C1orf21: variants seen among roughly 807,000 people sequenced by gnomAD.
C1orf21 encodes the protein chromosome 1 open reading frame 21.
In C1orf21, 3 loss-of-function variants were observed where a neutral mutation model predicts 18.7. The observed-to-expected ratio is 0.16, with a 90% CI of 0.07 to 0.42. The LOEUF (loss-of-function observed/expected upper bound fraction) is 0.42, where lower values mean the gene tolerates loss of function less well. Among genes scored for constraint, C1orf21 ranks in the 10% least tolerant of loss-of-function variants. C1orf21 has a pLI of 0.99. For synonymous variants in C1orf21, 41 were observed against 46.4 expected (o/e 0.88, Z 0.47); for missense variants, 104 against 143.6 (o/e 0.72, Z 1.41).
intron 2 of C1orf21, among the ~76,000 whole-genome samples, chr1:184,502,983 T>C (rs1657999742): frequency 7.0e-6 from 1 of 142,508 alleles, no homozygotes; most frequent in Admixed American, 7.5e-5. Flanking sequence ...GATGCTGAGG[T>C]GGGAGGATCA....
In C1orf21 at chr1:184,624,277, A is replaced by C. The variant is rs745671367; in HGVS notation, c.*4721A>C. ...GGGAGTGTTTTATTTGGCCTCCCCT[A>C]TCTGAGCTGCACACACACCAGGGGA... is the stretch of plus-strand genomic sequence containing the variant. On this transcript the variant is annotated 3_prime_UTR_variant, in exon 6 of 6. Coordinates refer to ENST00000235307, the MANE Select transcript of C1orf21 (RefSeq NM_030806.4). 2.0e-5 allele frequency: 3 copies of C among 152,544 alleles called. No homozygotes were observed. The highest frequency in any genetic ancestry group is 2.0e-4 in the Admixed American group (3 of 15,272). The allele number at this position is 152,544 out of a possible 1,614,324, so 9.4% of individuals were successfully genotyped here.
chr1:184,472,490 A>G (rs753705616), intron 1 of C1orf21, among the ~76,000 whole-genome samples: 2 of 152,316 alleles, frequency 1.3e-5, no homozygotes, highest in African/African-American at 2.4e-5. Flanking sequence ...TTTGTATCCA[A>G]AATGAAAAAG....
intron 1 of C1orf21, among the ~76,000 whole-genome samples, chr1:184,392,458 C>T (rs898693251): frequency 3.3e-5 from 5 of 152,036 alleles, no homozygotes; most frequent in Admixed American, 2.6e-4. Flanking sequence ...GATGGGAGGG[C>T]GGCGAGGGTT....
intron 3 of C1orf21, among the ~76,000 whole-genome samples, chr1:184,570,061 A>G (rs560346922): frequency 2.0e-5 from 3 of 152,356 alleles, no homozygotes; most frequent in South Asian, 4.1e-4. Context: ...GTTATGTAAT[A>G]TCATTCTGCC....
intron 3 of C1orf21, among the ~76,000 whole-genome samples, chr1:184,574,884 G>T (rs1659165178): frequency 6.6e-6 from 1 of 152,224 alleles, no homozygotes; most frequent in Admixed American, 6.5e-5. Context: ...GCCCAGTCCT[G>T]TCACTATCCC....
Position 184,484,090 on chromosome 1 carries a change from A to C in C1orf21, c.94+6487A>C, listed in dbSNP as rs181828723. On this transcript the variant is annotated intron_variant, in intron 2 of 5. Coordinates refer to ENST00000235307, the MANE Select transcript of C1orf21 (RefSeq NM_030806.4). ...AGGCACCCACCACCGCGCCCGGCTA[A>C]TTTTTGTATTTTTTTTTTAGTAGAG... Among the ~76,000 whole-genome samples, 569 of 151,976 alleles carry C rather than the reference A, an allele frequency of 3.7e-3. 3 individuals are homozygous for C. The highest frequency in any genetic ancestry group is 0.013 in the African/African-American group (549 of 41,466).
At chr1:184,506,868 C>T (rs1234754002) in intron 2 of C1orf21, among the ~76,000 whole-genome samples, 1 of 152,086 alleles carries the variant, frequency 6.6e-6, no homozygotes, top group Non-Finnish European at 1.5e-5. Context: ...ATCCACATCC[C>T]ACTATACTCT....
In C1orf21 at chr1:184,590,035, A is replaced by G. The variant is rs116634700; in HGVS notation, c.190-704A>G. Among the ~76,000 whole-genome samples, 926 of 152,306 alleles carry G rather than the reference A, an allele frequency of 6.1e-3. 9 individuals carry two copies. The highest frequency in any genetic ancestry group is 0.021 in the African/African-American group (876 of 41,560). ...CAGGGGTATGTTTTGTGAGCAAATT[A>G]TAAAGCACCTTGAATATCTTTTTAA... On this transcript the variant is annotated intron_variant, in intron 3 of 5. Coordinates refer to ENST00000235307, the MANE Select transcript of C1orf21 (RefSeq NM_030806.4).
chr1:184,537,728 G>A (rs542395913), intron 3 of C1orf21, among the ~76,000 whole-genome samples: 49 of 152,060 alleles, frequency 3.2e-4, no homozygotes, highest in African/African-American at 9.9e-4. Context: ...TTGGCTCACC[G>A]CAACCTCCGC....
intron 2 of C1orf21, among the ~76,000 whole-genome samples, chr1:184,482,957 T>C (rs1221841789): frequency 2.0e-5 from 3 of 152,222 alleles, no homozygotes; most frequent in African/African-American, 7.2e-5. Flanking sequence ...AATTAAATGC[T>C]AAATGGGCAT....
intron 5 of C1orf21, among the ~76,000 whole-genome samples, chr1:184,609,715 A>C (rs1316721893): frequency 6.6e-6 from 1 of 152,216 alleles, no homozygotes; most frequent in Non-Finnish European, 1.5e-5. Context: ...AAAAATTATG[A>C]TATGTCTGAT....
chr1:184,618,174 T>C (rs1659860441), intron 5 of C1orf21, among the ~76,000 whole-genome samples: 1 of 152,100 alleles, frequency 6.6e-6, no homozygotes, highest in African/African-American at 2.4e-5. Context: ...CCTCCCAAAG[T>C]GCGGGATTAC....
At chr1:184,606,886 C>A (rs1324958315) in intron 5 of C1orf21, among the ~76,000 whole-genome samples, 3 of 152,174 alleles carry the variant, frequency 2.0e-5, no homozygotes, top group African/African-American at 7.2e-5. Flanking sequence ...CTTTTCATCT[C>A]CCACTAAACA....
At chr1:184,554,900 C>G (rs1421416862) in intron 3 of C1orf21, among the ~76,000 whole-genome samples, 1 of 152,190 alleles carries the variant, frequency 6.6e-6, no homozygotes, top group Non-Finnish European at 1.5e-5. Context: ...AAAGTGCATG[C>G]ACATGTGTGT....
intron 1 of C1orf21, among the ~76,000 whole-genome samples, chr1:184,441,591 C>T (rs1656947803): frequency 6.6e-6 from 1 of 152,206 alleles, no homozygotes; most frequent in Non-Finnish European, 1.5e-5. Context: ...ACATACATGA[C>T]TTCATTTAAG....
intron 3 of C1orf21, among the ~76,000 whole-genome samples, chr1:184,550,378 T>C (rs554183525): frequency 1.1e-4 from 16 of 152,350 alleles, no homozygotes; most frequent in Admixed American, 1.0e-3. Flanking sequence ...ATTATAATAC[T>C]ATTTAGAACA....
At chr1:184,413,546 T>C (rs910596930) in intron 1 of C1orf21, among the ~76,000 whole-genome samples, 3 of 152,226 alleles carry the variant, frequency 2.0e-5, no homozygotes, top group African/African-American at 7.2e-5. Context: ...AGGTTGGCAG[T>C]AAGTCTCTGA....
At chr1:184,534,148 A>C (rs1419371676) in intron 3 of C1orf21, among the ~76,000 whole-genome samples, 1 of 152,090 alleles carries the variant, frequency 6.6e-6, no homozygotes, top group Admixed American at 6.5e-5. Flanking sequence ...GTGTCATTGC[A>C]TAGTTTATAG....
chr1:184,534,634 G>A lies in C1orf21; in HGVS notation c.189+26952G>A, dbSNP rs542032875. ...TTTCTTTTATTCTCTTAGTCATTCA[G>A]CAAGCATATATTGAACATCTGTGTG... On this transcript the variant is annotated intron_variant, in intron 3 of 5. Coordinates refer to ENST00000235307, the MANE Select transcript of C1orf21 (RefSeq NM_030806.4). Among the ~76,000 whole-genome samples, 28 of 152,068 alleles carry A rather than the reference G, an allele frequency of 1.8e-4. No homozygotes were observed. In the South Asian group the frequency reaches 5.8e-3, roughly 32 times the overall value.
Sources: allele counts gnomAD v4.1 joint callset (sites outside exome capture counted in the v4.1 genomes callset), GRCh38; gene constraint gnomAD v4.1.1; transcripts MANE v1.5; gene names NCBI Gene and HGNC (gene_info 2026-07-23, HGNC 2026-07-21).